Variants in VIM observed in about 807,000 individuals in gnomAD.
VIM encodes vimentin.
VIM carries 18 observed loss-of-function variants against 50.3 expected under a neutral mutation model. The observed-to-expected ratio is 0.36, with a 90% CI of 0.25 to 0.53. The LOEUF (loss-of-function observed/expected upper bound fraction) is 0.53. VIM is among the 20% of genes least tolerant of loss of function. VIM has a pLI of 0.91. For missense variants in VIM, 551 were observed against 614.7 expected, an observed-to-expected ratio of 0.90 and a Z score of 1.10; for synonymous variants, 245 against 248.5, an observed-to-expected ratio of 0.99 and a Z score of 0.13.
In VIM at chr10:17,237,417, A is replaced by T. The variant is rs189996263; in HGVS notation, c.*146A>T. Reference sequence around the variant, plus strand: ...GAATAGGAATAAGCTCTAGTTCTTAACAACCGACACTCCTACAAGATTTAG... The same window carrying T: ...GAATAGGAATAAGCTCTAGTTCTTATCAACCGACACTCCTACAAGATTTAG... On this transcript the variant is annotated 3_prime_UTR_variant, in exon 10 of 10. Transcript: ENST00000544301. The T allele has an allele frequency of 6.3e-4, 451 of 719,664 alleles. 4 individuals are homozygous for T. The African/African-American group carries it at 7.5e-3, about 12-fold the overall frequency. 44.6% of individuals were successfully genotyped at this position (719,664 alleles called of 1,614,324 possible).
intron 8 of VIM, 131 bp downstream of exon 8, chr10:17,236,020 AT>A: frequency 9.7e-7 from 1 of 1,030,586 alleles, no homozygotes; most frequent in Non-Finnish European, 1.5e-6. Flanking sequence ...AACATCTATA[AT>A]TTTCGAACCC....
chr10:17,236,585 C>T (rs1290150647), intron 9 of VIM, among the ~76,000 whole-genome samples: 1 of 152,196 alleles, frequency 6.6e-6, no homozygotes, highest in African/African-American at 2.4e-5. Context: ...GTTGAGATAG[C>T]AGTCTTCCTG....
In VIM at chr10:17,237,212, GT is replaced by G. The variant is rs750651760; in HGVS notation, c.1360-7del. The G allele has an allele frequency of 1.9e-3, 2,340 of 1,255,062 alleles. No homozygotes were observed. Among genetic ancestry groups the G allele is most frequent in the African/African-American group, 3.6e-3 (239 of 65,624 alleles). The allele number at this position is 1,255,062 out of a possible 1,614,324, so 77.7% of individuals were successfully genotyped here. A position where few individuals can be genotyped will look rare whatever the true frequency, so the allele number is the denominator to read the frequency against. ...GGCATGTGGCATTATATTTATTTTG[GT>G]TTTTTTTTTTAAACAGGTTATCAAC... On this transcript the variant is annotated splice_polypyrimidine_tract_variant and intron_variant, in intron 9 of 9. Coordinates refer to ENST00000544301, the MANE Select transcript of VIM (RefSeq NM_003380.5).
chr10:17,237,207 T>TTTTGG, intron 9 of VIM, 23 bp from the exon 10 acceptor site: 1 of 1,590,332 alleles, frequency 6.3e-7, no homozygotes, highest in Non-Finnish European at 8.6e-7. Flanking sequence ...ATTATATTTA[T>TTTTGG]TTTGGTTTTT....
intron 9 of VIM, 141 bp downstream of exon 9, chr10:17,236,520 C>A: frequency 1.3e-6 from 1 of 751,906 alleles, no homozygotes; most frequent in Non-Finnish European, 2.3e-6. Context: ...AAAGAATAGG[C>A]TTCTTCTTCC....
intron 6 of VIM, 53 bp from the exon 7 acceptor site, chr10:17,235,116 A>G: frequency 6.3e-7 from 1 of 1,597,206 alleles, no homozygotes; most frequent in South Asian, 1.1e-5. Flanking sequence ...GGTTCTGGGA[A>G]CAGCTGGGTT....
In VIM at chr10:17,235,907, C is replaced by T. The variant is rs1164062622; in HGVS notation, c.1273+18C>T. The T allele has an allele frequency of 6.2e-7, 1 of 1,611,336 alleles. No individual in the cohort carries two copies. Among genetic ancestry groups the T allele is most frequent in the South Asian group, 1.1e-5 (1 of 91,018 alleles). ...CCTGAGGGGTAAGCATTTTATTTCC[C>T]TTTAGGAAAAACGTCAGCTGCTTGT... is the stretch of plus-strand genomic sequence containing the variant. On this transcript the variant is annotated intron_variant, in intron 8 of 9. Coordinates refer to ENST00000544301, the MANE Select transcript of VIM (RefSeq NM_003380.5).
At chr10:17,236,955 G>A (rs551431881) in intron 9 of VIM, among the ~76,000 whole-genome samples, 2 of 152,078 alleles carry the variant, frequency 1.3e-5, no homozygotes, top group Non-Finnish European at 2.9e-5. Context: ...GCTGTATTGT[G>A]TACAACTATT....
Position 17,237,366 on chromosome 10 carries a change from T to C in VIM, c.*95T>C, listed in dbSNP as rs1846910962. The C allele has an allele frequency of 8.0e-7, 1 of 1,254,444 alleles. No individual in the cohort carries two copies. Among genetic ancestry groups the C allele is most frequent in the Admixed American group, 2.1e-5 (1 of 48,408 alleles). 77.7% of individuals were successfully genotyped at this position (1,254,444 alleles called of 1,614,324 possible). On this transcript the variant is annotated 3_prime_UTR_variant, in exon 10 of 10. Coordinates refer to ENST00000544301, the MANE Select transcript of VIM (RefSeq NM_003380.5). ...ACAGCTTTCAAGTGCCTTTCTGCAG[T>C]TTTTCAGGAGCGCAAGATAGATTTG...
In VIM at chr10:17,229,381, G is replaced by A. The variant is rs374772089; in HGVS notation, c.-42G>A. The A allele has an allele frequency of 1.3e-6, 2 of 1,560,712 alleles. No homozygotes were observed. Among genetic ancestry groups the A allele is most frequent in the Non-Finnish European group, 1.7e-6 (2 of 1,159,522 alleles). On this transcript the variant is annotated 5_prime_UTR_variant, in exon 2 of 10. Transcript: ENST00000544301. ...TCGCCTCTTCTCCGGGAGCCAGTCC[G>A]CGCCACCGCCGCCGCCCAGGCCATC...
In VIM at chr10:17,237,210, TG is replaced by T; in HGVS notation, c.1360-18del. ...TTGGCATGTGGCATTATATTTATTTTGGTTTTTTTTTTTAAACAGGTTATCA... is the reference window on the plus strand; with the variant it reads ...TTGGCATGTGGCATTATATTTATTTTGTTTTTTTTTTTAAACAGGTTATCA... On this transcript the variant is annotated intron_variant, in intron 9 of 9. Transcript: ENST00000544301. 6.3e-7 allele frequency: 1 copy of T among 1,589,662 alleles called. No individual in the cohort carries two copies. Among genetic ancestry groups the T allele is most frequent in the African/African-American group, 1.3e-5 (1 of 74,650 alleles).
chr10:17,231,755 T>A, intron 3 of VIM, among the ~76,000 whole-genome samples: 1 of 144,670 alleles, frequency 6.9e-6, no homozygotes. Flanking sequence ...GAATTTTAAC[T>A]AAAGGGTTTT....
At chr10:17,234,846 G>T in intron 6 of VIM, 28 bp downstream of exon 6, 2 of 1,613,858 alleles carry the variant, frequency 1.2e-6, no homozygotes, top group South Asian at 2.2e-5. Context: ...AGTAAAAGAG[G>T]GAAAATAATG....
At position 17,229,864 on chromosome 10, in the gene VIM, G is replaced by A. The variant is rs750493891; in HGVS notation, c.442G>A (p.Asp148Asn). Residue 148 changes from aspartate to asparagine, a missense_variant, in exon 2 of 10, where the codon GAC (aspartate) becomes AAC (asparagine). Coordinates refer to ENST00000544301, the MANE Select transcript of VIM (RefSeq NM_003380.5). ...GGGCCAAGGCAAGTCGCGCCTGGGG[G>A]ACCTCTACGAGGAGGAGATGCGGGA... ...LKGQGKSRLG[D>N]LYEEEMRELR... is the part of the protein sequence containing the mutation. 10 of 1,608,786 alleles carry A rather than the reference G, an allele frequency of 6.2e-6. No homozygotes were observed. The highest frequency in any genetic ancestry group is 4.0e-5 in the African/African-American group (3 of 74,900).
chr10:17,234,671 A>T (rs370402440), intron 5 of VIM, 22 bp from the exon 6 acceptor site: 1 of 1,613,272 alleles, frequency 6.2e-7, no homozygotes, highest in Non-Finnish European at 8.5e-7. Context: ...AGCAATCTAC[A>T]TTTCTGTTTT....
intron 3 of VIM, among the ~76,000 whole-genome samples, chr10:17,231,718 CAG>C (rs1434095285): frequency 6.6e-6 from 1 of 151,192 alleles, no homozygotes; most frequent in East Asian, 1.9e-4. Context: ...AAAATAATAA[CAG>C]TAATAAACCC....
intron 9 of VIM, among the ~76,000 whole-genome samples, chr10:17,236,873 A>G (rs1846898336): frequency 6.6e-6 from 1 of 152,196 alleles, no homozygotes; most frequent in Admixed American, 6.5e-5. Flanking sequence ...TCATCATGAA[A>G]TCTTCCCTTG....
chr10:17,230,509 G>A (rs2131680332), intron 2 of VIM, 141 bp from the exon 3 acceptor site: 2 of 964,194 alleles, frequency 2.1e-6, no homozygotes, highest in African/African-American at 1.6e-5. Context: ...AGGGCAGCAG[G>A]TCTGAAAGCT....
In VIM at chr10:17,228,403, T is replaced by A. The variant is rs908194238; in HGVS notation, c.-269T>A. The A allele has an allele frequency of 2.6e-5, 4 of 152,382 alleles. No homozygotes were observed. The highest frequency in any genetic ancestry group is 9.6e-5 in the African/African-American group (4 of 41,572). The allele number at this position is 152,382 out of a possible 1,614,324, so 9.4% of individuals were successfully genotyped here. ...GCACACAGCAAGGCGATGGCCCAGC[T>A]GTAAGTTGGTAGCACTGAGAACTAG... On this transcript the variant is annotated 5_prime_UTR_variant, in exon 1 of 10. Transcript: ENST00000544301.
Sources: allele counts gnomAD v4.1 joint callset (sites outside exome capture counted in the v4.1 genomes callset), GRCh38; gene constraint gnomAD v4.1.1; transcripts MANE v1.5; gene names NCBI Gene and HGNC (gene_info 2026-07-23, HGNC 2026-07-21).